LPCAT3: variants seen among roughly 807,000 people sequenced by gnomAD.
LPCAT3 encodes the protein lysophospholipid acyltransferase 5.
A neutral mutation model predicts 63.4 loss-of-function variants in LPCAT3; 21 were observed. That is an observed-to-expected ratio of 0.33 (90% CI 0.23 to 0.48). The LOEUF (loss-of-function observed/expected upper bound fraction) is 0.48, where lower values mean the gene tolerates loss of function less well. Among genes scored for constraint, LPCAT3 ranks in the 20% least tolerant of loss-of-function variants. LPCAT3 has a pLI of 0.99. For missense variants in LPCAT3, 451 were observed against 590.6 expected (o/e 0.76, Z 2.45); for synonymous variants, 242 against 227.5 (o/e 1.06, Z -0.58).
intron 1 of LPCAT3, among the ~76,000 whole-genome samples, chr12:7,012,975 A>C (rs1946774104): frequency 6.6e-6 from 1 of 152,252 alleles, no homozygotes; most frequent in South Asian, 2.1e-4. Context: ...CCTTTTCTAC[A>C]AGCCAAGTAA....
rs1946804123 is a variant in LPCAT3, at chr12:7,017,528, T to TA, written c.151+745dup. On this transcript the variant is annotated intron_variant, in intron 1 of 12. Coordinates refer to ENST00000261407, the MANE Select transcript of LPCAT3 (RefSeq NM_005768.6). The surrounding 1 kb of genome is among the most constrained non-coding windows in gnomAD (Gnocchi z 4.1). Reference sequence around the variant, plus strand: ...ATTAAACCATGGAGTGAGGATGCGGTAAAAAAGCCTATAAACCAGTTGTAA... The same window carrying TA: ...ATTAAACCATGGAGTGAGGATGCGGTAAAAAAAGCCTATAAACCAGTTGTAA... Among the ~76,000 whole-genome samples, 1 of 152,130 alleles carries TA rather than the reference T, an allele frequency of 6.6e-6. No individual in the cohort carries two copies. Among genetic ancestry groups the TA allele is most frequent in the East Asian group, 1.9e-4 (1 of 5,192 alleles).
At chr12:7,001,572 T>G (rs1448852643) in intron 1 of LPCAT3, 1 of 452,350 alleles carries the variant, frequency 2.2e-6, no homozygotes, top group Non-Finnish European at 4.5e-6. Context: ...GGTAGGATCC[T>G]GGCTGTGAGG....
At chr12:7,016,321 G>C (rs1946797446) in intron 1 of LPCAT3, among the ~76,000 whole-genome samples, 1 of 149,294 alleles carries the variant, frequency 6.7e-6, no homozygotes, top group Admixed American at 6.7e-5. Flanking sequence ...CTGTCACCCA[G>C]GCTGGAGTGC....
At chr12:7,013,190 G>A (rs782432718) in intron 1 of LPCAT3, among the ~76,000 whole-genome samples, 1 of 152,222 alleles carries the variant, frequency 6.6e-6, no homozygotes, top group Non-Finnish European at 1.5e-5. Flanking sequence ...TGACTGAAGG[G>A]CACTCCAGGC....
At chr12:7,015,057 T>TGTA (rs1555157498) in intron 1 of LPCAT3, among the ~76,000 whole-genome samples, 1 of 152,242 alleles carries the variant, frequency 6.6e-6, no homozygotes, top group East Asian at 1.9e-4. Context: ...AGTCTGTGTG[T>TGTA]TCTGGGTCAC....
At chr12:6,999,580 C>G (rs782188671) in intron 1 of LPCAT3, among the ~76,000 whole-genome samples, 2 of 152,136 alleles carry the variant, frequency 1.3e-5, no homozygotes, top group African/African-American at 4.8e-5. Flanking sequence ...TTATACACAC[C>G]CGTTGGCTGA....
chr12:6,979,202 T>C (rs1565597112), intron 7 of LPCAT3: 2 of 493,328 alleles, frequency 4.1e-6, no homozygotes, highest in Non-Finnish European at 7.3e-6. Flanking sequence ...GTCACGTGGA[T>C]GTGATAAGGC....
intron 6 of LPCAT3, 107 bp downstream of exon 6, chr12:6,980,897 C>G: frequency 8.6e-7 from 1 of 1,164,328 alleles, no homozygotes. Flanking sequence ...GCCTGCATGA[C>G]TCAGGTCTCT....
intron 5 of LPCAT3, 140 bp from the exon 6 acceptor site, chr12:6,981,322 T>C (rs782665901): frequency 2.2e-5 from 16 of 736,442 alleles, no homozygotes; most frequent in Non-Finnish European, 3.3e-5. Flanking sequence ...AAATAGTTGC[T>C]TCTTGTGGAA....
intron 1 of LPCAT3, among the ~76,000 whole-genome samples, chr12:7,013,036 T>C (rs1305460369): frequency 6.6e-6 from 1 of 152,210 alleles, no homozygotes. Context: ...ATGGTTTCTG[T>C]CCTCATCTAC....
At position 7,017,154 on chromosome 12, in the gene LPCAT3, C is replaced by G. The variant is rs1946802058; in HGVS notation, c.151+1120G>C. Among the ~76,000 whole-genome samples, 1 of 152,202 alleles carries G rather than the reference C, an allele frequency of 6.6e-6. No homozygotes were observed. Among genetic ancestry groups the G allele is most frequent in the Admixed American group, 6.5e-5 (1 of 15,290 alleles). On this transcript the variant is annotated intron_variant, in intron 1 of 12. Transcript: ENST00000261407. The surrounding 1 kb of genome is among the most constrained non-coding windows in gnomAD (Gnocchi z 4.1). ...CTTCTCATGGTTCAGACCTCTAACC[C>G]TCTGCTCTAGCCCCAGTCCTGTTTC...
chr12:6,983,218 G>A, intron 2 of LPCAT3: 1 of 491,188 alleles, frequency 2.0e-6, no homozygotes, highest in Non-Finnish European at 3.7e-6. Flanking sequence ...TATGGCAAGG[G>A]TAACCACCCT....
chr12:7,016,730 G>C (rs1946799790), intron 1 of LPCAT3, among the ~76,000 whole-genome samples: 1 of 152,170 alleles, frequency 6.6e-6, no homozygotes, highest in Non-Finnish European at 1.5e-5. Flanking sequence ...AAAATAACTG[G>C]GTCAGAAACA....
At chr12:7,000,800 G>A (rs972848535) in intron 1 of LPCAT3, among the ~76,000 whole-genome samples, 20 of 151,402 alleles carry the variant, frequency 1.3e-4, no homozygotes, top group African/African-American at 4.6e-4. Context: ...TCCGCCTCCC[G>A]GGTTCACGCC....
At chr12:7,007,156 G>A (rs1555156907) in intron 1 of LPCAT3, among the ~76,000 whole-genome samples, 1 of 151,858 alleles carries the variant, frequency 6.6e-6, no homozygotes, top group East Asian at 1.9e-4. Context: ...TGATTCTCCT[G>A]CCTCAGCCTC....
chr12:6,993,419 C>T (rs1282408207), intron 1 of LPCAT3, among the ~76,000 whole-genome samples: 3 of 151,172 alleles, frequency 2.0e-5, no homozygotes, highest in Non-Finnish European at 2.9e-5. Context: ...GGCAACAGAG[C>T]GAGACTCCAT....
At chr12:7,002,748 C>T (rs1946697230) in intron 1 of LPCAT3, among the ~76,000 whole-genome samples, 1 of 152,246 alleles carries the variant, frequency 6.6e-6, no homozygotes, top group African/African-American at 2.4e-5. Flanking sequence ...CAGTGGCTAA[C>T]GCCTGTAATC....
chr12:7,009,862 A>C (rs1555157092), intron 1 of LPCAT3, among the ~76,000 whole-genome samples: 2 of 152,220 alleles, frequency 1.3e-5, no homozygotes, highest in African/African-American at 4.8e-5. Context: ...AATTCATATA[A>C]ATTTTGTATT....
At chr12:7,013,701 CCACTTTCTCCTCTCAG>C (rs1555157385) in intron 1 of LPCAT3, among the ~76,000 whole-genome samples, 1 of 152,086 alleles carries the variant, frequency 6.6e-6, no homozygotes, top group African/African-American at 2.4e-5. Flanking sequence ...CAGGAGATGC[CCACTTTCTCCTCTCAG>C]CACAGCCACC....
Sources: allele counts gnomAD v4.1 joint callset (sites outside exome capture counted in the v4.1 genomes callset), GRCh38; gene constraint gnomAD v4.1.1; non-coding constraint Gnocchi (gnomAD v3.1); transcripts MANE v1.5; gene names NCBI Gene and HGNC (gene_info 2026-07-23, HGNC 2026-07-21).